The following SUGCT variants were observed in gnomAD, a reference collection of about 807,000 sequenced individuals.
SUGCT encodes succinyl-CoA:glutarate-CoA transferase, also known as succinyl-CoA:glutarate CoA-transferase.
A neutral mutation model predicts 55.0 loss-of-function variants in SUGCT; 41 were observed. That is an observed-to-expected ratio of 0.74 (90% CI 0.58 to 0.97). The LOEUF (loss-of-function observed/expected upper bound fraction) is 0.97. SUGCT is among the 50% of genes least tolerant of loss of function. SUGCT has a pLI of 0.00. For missense variants in SUGCT, 568 were observed against 547.8 expected (o/e 1.04, Z -0.37); for synonymous variants, 187 against 200.4 (o/e 0.93, Z 0.56).
chr7:40,160,011 AAAG>A (rs1784070544), intron 1 of SUGCT, among the ~76,000 whole-genome samples: 1 of 152,178 alleles, frequency 6.6e-6, no homozygotes, highest in Non-Finnish European at 1.5e-5. Flanking sequence ...CATGAGAGCA[AAAG>A]AACATAAGCA....
chr7:40,899,786 T>C, the SUGCT span, among the ~76,000 whole-genome samples: 12 of 152,264 alleles, frequency 7.9e-5, no homozygotes, highest in East Asian at 1.9e-4. Flanking sequence ...AATGTTGAAA[T>C]ATCATTAAGC....
At chr7:40,343,025 C>A (rs983824735) in intron 9 of SUGCT, among the ~76,000 whole-genome samples, 2 of 152,124 alleles carry the variant, frequency 1.3e-5, no homozygotes, top group Non-Finnish European at 2.9e-5. Context: ...AGACACATGG[C>A]ATATAAGAAG....
intron 3 of SUGCT, among the ~76,000 whole-genome samples, chr7:40,186,528 G>A (rs969651536): frequency 6.6e-6 from 1 of 151,984 alleles, no homozygotes; most frequent in African/African-American, 2.4e-5. Flanking sequence ...CAAAGTGTTG[G>A]GATTACCAGC....
intron 9 of SUGCT, among the ~76,000 whole-genome samples, chr7:40,388,473 C>T (rs559642222): frequency 2.6e-5 from 4 of 152,094 alleles, no homozygotes; most frequent in South Asian, 2.1e-4. Flanking sequence ...TGGAGTGCAG[C>T]GGCGCGATCT....
intron 6 of SUGCT, among the ~76,000 whole-genome samples, chr7:40,199,033 C>CTG (rs149582932): frequency 0.064 from 9,613 of 150,154 alleles, 959 homozygotes; most frequent in African/African-American, 0.22. Context: ...ATCAGTGTGT[C>CTG]TGTGTGTGTG....
chr7:40,274,750 CAA>C, intron 8 of SUGCT, 94 bp downstream of exon 8: 1 of 1,195,784 alleles, frequency 8.4e-7, no homozygotes, highest in African/African-American at 1.5e-5. Context: ...TGTACAAAAA[CAA>C]TACAAAAACC....
intron 6 of SUGCT, among the ~76,000 whole-genome samples, chr7:40,228,508 G>A (rs1025473965): frequency 2.6e-5 from 4 of 152,032 alleles, no homozygotes; most frequent in African/African-American, 9.6e-5. Context: ...GTGTGTGTGT[G>A]TGTTTTTGTT....
Position 40,181,126 on chromosome 7 carries a change from G to A in SUGCT, c.152+128G>A, listed in dbSNP as rs58068135. ...AATTTTAGAGAAGAAAATAAGAAAA[G>A]AAAAATTGCTGTAATATCATCATTC... On this transcript the variant is annotated intron_variant, in intron 2 of 13. Coordinates refer to ENST00000335693, the MANE Select transcript of SUGCT (RefSeq NM_001193313.2). 0.01 allele frequency: 7,299 copies of A among 728,278 alleles called. 338 individuals are homozygous for A. The African/African-American group carries it at 0.12, about 12-fold the overall frequency. 45.1% of individuals were successfully genotyped at this position (728,278 alleles called of 1,614,324 possible).
Position 40,729,041 on chromosome 7 carries a change from A to G in SUGCT, c.1090-20393A>G, listed in dbSNP as rs560518543. Among the ~76,000 whole-genome samples the G allele has an allele frequency of 3.9e-5, 6 of 152,094 alleles. No individual in the cohort carries two copies. The East Asian group carries it at 1.2e-3, about 29-fold the overall frequency. On this transcript the variant is annotated intron_variant, in intron 12 of 13. Coordinates refer to ENST00000335693, the MANE Select transcript of SUGCT (RefSeq NM_001193313.2). ...CTAGAATTTTAATCAGTAAAGTCTG[A>G]CTCTAGAGCCTACAGTCAGACACTA...
the SUGCT span, among the ~76,000 whole-genome samples, chr7:40,961,689 G>A: frequency 6.6e-6 from 1 of 152,112 alleles, no homozygotes; most frequent in Non-Finnish European, 1.5e-5. Context: ...AAGATGGTGT[G>A]TCTGGAGTTT....
intron 8 of SUGCT, among the ~76,000 whole-genome samples, chr7:40,282,231 G>A (rs1389722995): frequency 6.6e-6 from 1 of 152,018 alleles, no homozygotes; most frequent in Non-Finnish European, 1.5e-5. Flanking sequence ...ACTTTGGGAA[G>A]CTAAGGTGGG....
chr7:40,985,690 T>C, the SUGCT span, among the ~76,000 whole-genome samples: 1 of 152,152 alleles, frequency 6.6e-6, no homozygotes, highest in East Asian at 1.9e-4. Context: ...ATAGTATGAA[T>C]AGTGCTGTAT....
At chr7:40,550,495 A>G (rs557364140) in intron 12 of SUGCT, among the ~76,000 whole-genome samples, 1 of 152,296 alleles carries the variant, frequency 6.6e-6, no homozygotes, top group East Asian at 1.9e-4. Context: ...GATTCCATCA[A>G]GAACTGTTTA....
chr7:40,530,755 A>G (rs537099627), intron 12 of SUGCT, among the ~76,000 whole-genome samples: 14 of 152,244 alleles, frequency 9.2e-5, no homozygotes, highest in Non-Finnish European at 1.9e-4. Flanking sequence ...TTTAAATTTT[A>G]GATTCAGCTA....
At chr7:40,774,600 G>A (rs1181952902) in intron 13 of SUGCT, among the ~76,000 whole-genome samples, 1 of 152,086 alleles carries the variant, frequency 6.6e-6, no homozygotes, top group Non-Finnish European at 1.5e-5. Flanking sequence ...TTGCCGAAAT[G>A]CAGTTATAAT....
the SUGCT span, among the ~76,000 whole-genome samples, chr7:40,937,560 C>T: frequency 2.6e-5 from 4 of 152,116 alleles, no homozygotes; most frequent in Non-Finnish European, 5.9e-5. Context: ...CTTTTTGTTT[C>T]ATTCTGGGGC....
At chr7:40,245,543 C>T (rs1236694956) in intron 7 of SUGCT, among the ~76,000 whole-genome samples, 1 of 140,560 alleles carries the variant, frequency 7.1e-6, no homozygotes, top group Non-Finnish European at 1.5e-5. Flanking sequence ...GGGTTCATGC[C>T]ATTCTCCTGT....
intron 12 of SUGCT, among the ~76,000 whole-genome samples, chr7:40,738,532 A>G (rs1250254942): frequency 6.6e-6 from 1 of 152,248 alleles, no homozygotes; most frequent in African/African-American, 2.4e-5. Flanking sequence ...TACAAACCAA[A>G]ATGAAGCCAG....
chr7:40,488,601 A>G (rs554842526), intron 11 of SUGCT, among the ~76,000 whole-genome samples: 2 of 152,136 alleles, frequency 1.3e-5, no homozygotes, highest in South Asian at 4.2e-4. Context: ...CATATTACTC[A>G]CTCATGTCCT....
Sources: gnomAD v4.1 joint callset for allele counts (sites outside exome capture counted in the v4.1 genomes callset) on GRCh38, gnomAD v4.1.1 for gene constraint, MANE v1.5 for transcripts, NCBI Gene and HGNC (gene_info 2026-07-23, HGNC 2026-07-21) for gene names.